The following CNBD1 variants were observed in gnomAD, a reference collection of about 807,000 sequenced individuals.
The protein encoded by CNBD1 is cyclic nucleotide-binding domain-containing protein 1.
In CNBD1, 71 loss-of-function variants were observed where a neutral mutation model predicts 54.4. The ratio of observed to expected loss-of-function variants is 1.30; its 90% CI spans 1.08 to 1.59. CNBD1 has a LOEUF of 1.59. CNBD1 is among the 40% of genes most tolerant of loss of function. CNBD1 has a pLI of 0.00. For missense variants in CNBD1, 659 were observed against 518.0 expected (o/e 1.27, Z -2.64); for synonymous variants, 182 against 170.7 (o/e 1.07, Z -0.51).
chr8:87,408,131 G>A (rs1298313929), intron 2 of CNBD1, among the ~76,000 whole-genome samples: 2 of 151,816 alleles, frequency 1.3e-5, no homozygotes, highest in Non-Finnish European at 2.9e-5. Flanking sequence ...TACATAATCT[G>A]CCTTAACATT....
chr8:86,944,338 G>A lies in CNBD1; in HGVS notation c.431+4584G>A, dbSNP rs985349036. On this transcript the variant is annotated intron_variant, in intron 4 of 10. Coordinates refer to ENST00000518476, the MANE Select transcript of CNBD1 (RefSeq NM_173538.3). ...GACTGTGGGAACACACAATATCTTT[G>A]CCCTCATGGAGCTTACATTCTAATG... 2.0e-5 allele frequency among the ~76,000 whole-genome samples: 3 copies of A among 152,088 alleles called. No homozygotes were observed. In the East Asian group the frequency reaches 5.8e-4, roughly 29 times the overall value.
chr8:87,358,944 G>A (rs1810476803), intron 10 of CNBD1, among the ~76,000 whole-genome samples: 1 of 152,252 alleles, frequency 6.6e-6, no homozygotes, highest in South Asian at 2.1e-4. Flanking sequence ...CAATGGATTA[G>A]GTGTTATCTG....
intron 4 of CNBD1, among the ~76,000 whole-genome samples, chr8:86,976,949 A>G (rs1808356467): frequency 6.6e-6 from 1 of 152,002 alleles, no homozygotes; most frequent in Non-Finnish European, 1.5e-5. Context: ...GATTATCAAT[A>G]AGATCATTCT....
At chr8:87,327,031 C>G (rs1232070505) in intron 8 of CNBD1, among the ~76,000 whole-genome samples, 1 of 149,900 alleles carries the variant, frequency 6.7e-6, no homozygotes, top group Admixed American at 6.7e-5. Context: ...CAGACAGCAC[C>G]CTCAGCTGCA....
At chr8:87,022,325 T>A (rs1809506370) in intron 4 of CNBD1, among the ~76,000 whole-genome samples, 1 of 152,208 alleles carries the variant, frequency 6.6e-6, no homozygotes, top group Non-Finnish European at 1.5e-5. Context: ...ACTGGGTTTT[T>A]TGTGGTTAGC....
chr8:87,196,563 AT>A (rs778637316), intron 4 of CNBD1, among the ~76,000 whole-genome samples: 3 of 152,200 alleles, frequency 2.0e-5, no homozygotes, highest in Non-Finnish European at 4.4e-5. Flanking sequence ...AAGTCAACAG[AT>A]TTGCAAGAGC....
chr8:87,150,828 C>T (rs983070807), intron 4 of CNBD1, among the ~76,000 whole-genome samples: 1 of 152,080 alleles, frequency 6.6e-6, no homozygotes, highest in East Asian at 1.9e-4. Context: ...GATTATATTT[C>T]AAAGAGATAG....
At chr8:87,270,699 A>T (rs55694934) in intron 6 of CNBD1, among the ~76,000 whole-genome samples, 42,672 of 151,602 alleles carry the variant, frequency 0.28, 6,452 homozygotes, top group African/African-American at 0.39. Context: ...TTTTAAAAAA[A>T]TTTATTTATT....
intron 10 of CNBD1, among the ~76,000 whole-genome samples, chr8:87,369,078 C>A (rs906413841): frequency 1.3e-5 from 2 of 151,916 alleles, no homozygotes. Flanking sequence ...TTTTTTTAAT[C>A]CATTATCCTT....
At chr8:86,869,665 C>T (rs1193719852) in intron 1 of CNBD1, among the ~76,000 whole-genome samples, 1 of 152,104 alleles carries the variant, frequency 6.6e-6, no homozygotes, top group Non-Finnish European at 1.5e-5. Context: ...TGAATGTTCT[C>T]AAAAGCAGAA....
At chr8:87,109,193 A>G (rs1811605998) in intron 4 of CNBD1, among the ~76,000 whole-genome samples, 1 of 151,902 alleles carries the variant, frequency 6.6e-6, no homozygotes, top group Admixed American at 6.6e-5. Flanking sequence ...TTATTGAGGG[A>G]AAAAAATAAA....
rs530452040 is a variant in CNBD1, at chr8:86,955,847, T to G, written c.431+16093T>G. 1.1e-3 allele frequency among the ~76,000 whole-genome samples: 169 copies of G among 152,360 alleles called. 1 individual carries two copies. The highest frequency in any genetic ancestry group is 2.1e-4 in the Non-Finnish European group (14 of 68,040). ...CTCTTTAGTTTAATTGGATCCCATT[T>G]GTCAGTTTTGGCTTTTGTTGCCATT... On this transcript the variant is annotated intron_variant, in intron 4 of 10. Coordinates refer to ENST00000518476, the MANE Select transcript of CNBD1 (RefSeq NM_173538.3).
At chr8:86,962,747 C>T (rs111653064) in intron 4 of CNBD1, among the ~76,000 whole-genome samples, 3 of 151,488 alleles carry the variant, frequency 2.0e-5, no homozygotes, top group South Asian at 2.1e-4. Context: ...GATGGTGCCA[C>T]GACACTCCAG....
chr8:86,902,408 C>G (rs1233260818), intron 2 of CNBD1, among the ~76,000 whole-genome samples: 1 of 152,082 alleles, frequency 6.6e-6, no homozygotes, highest in Non-Finnish European at 1.5e-5. Context: ...TCTGAATACA[C>G]TGAACTTCTT....
At chr8:87,407,137 C>A (rs1364259430) in intron 2 of CNBD1, among the ~76,000 whole-genome samples, 2 of 152,040 alleles carry the variant, frequency 1.3e-5, no homozygotes, top group African/African-American at 4.8e-5. Context: ...ACCCTAGAAG[C>A]CTTTCCTTAA....
At chr8:87,055,222 G>A (rs1249212205) in intron 4 of CNBD1, among the ~76,000 whole-genome samples, 3 of 152,190 alleles carry the variant, frequency 2.0e-5, no homozygotes, top group Non-Finnish European at 4.4e-5. Context: ...CTCCACAGCA[G>A]AGAGGGGTCC....
intron 2 of CNBD1, chr8:87,428,488 T>TA (rs77859984): frequency 0.38 from 137,010 of 365,344 alleles, 26,727 homozygotes; most frequent in African/African-American, 0.47. Context: ...GCAATTGCTC[T>TA]TTTTATGAAG....
chr8:87,239,529 T>C (rs967379070), intron 6 of CNBD1, among the ~76,000 whole-genome samples: 5 of 152,156 alleles, frequency 3.3e-5, no homozygotes, highest in African/African-American at 1.2e-4. Flanking sequence ...TATTTGCTTT[T>C]TTATTGAGTT....
At chr8:87,196,230 T>A (rs1248453567) in intron 4 of CNBD1, among the ~76,000 whole-genome samples, 1 of 152,294 alleles carries the variant, frequency 6.6e-6, no homozygotes, top group East Asian at 1.9e-4. Context: ...TTTGTGTTAG[T>A]CTCAACATTT....
Sources: allele counts gnomAD v4.1 joint callset (sites outside exome capture counted in the v4.1 genomes callset), GRCh38; gene constraint gnomAD v4.1.1; transcripts MANE v1.5; gene names NCBI Gene and HGNC (gene_info 2026-07-23, HGNC 2026-07-21).